Variants in BCL11A observed in about 807,000 individuals in gnomAD.
The protein encoded by BCL11A is BCL11 transcription factor A.
In BCL11A, 2 loss-of-function variants were observed where a neutral mutation model predicts 55.9. The observed-to-expected ratio is 0.04, with a 90% CI of 0.01 to 0.11. BCL11A has a LOEUF of 0.11. Among genes scored for constraint, BCL11A ranks in the 10% least tolerant of loss-of-function variants. BCL11A has a pLI of 1.00. For missense variants in BCL11A, 817 were observed against 1,137.1 expected (o/e 0.72, Z 4.05); for synonymous variants, 465 against 473.4 (o/e 0.98, Z 0.23).
At chr2:60,489,136 A>G (rs1219452200) in intron 2 of BCL11A, among the ~76,000 whole-genome samples, 1 of 152,226 alleles carries the variant, frequency 6.6e-6, no homozygotes, top group Non-Finnish European at 1.5e-5. Flanking sequence ...ATGTTTCTAA[A>G]GGGTACCTTA....
At chr2:60,509,357 C>T (rs114615813) in intron 2 of BCL11A, among the ~76,000 whole-genome samples, 1,857 of 152,320 alleles carry the variant, frequency 0.012, 42 homozygotes, top group African/African-American at 0.042. Context: ...AAGAGGACAA[C>T]GGATTTCCGG....
intron 2 of BCL11A, among the ~76,000 whole-genome samples, chr2:60,473,543 T>C (rs1479950930): frequency 1.3e-5 from 2 of 152,200 alleles, no homozygotes; most frequent in Non-Finnish European, 2.9e-5. Flanking sequence ...ATTCCAGTTC[T>C]GAATCCGATT....
chr2:60,497,398 T>G (rs1679013684), intron 2 of BCL11A, among the ~76,000 whole-genome samples: 1 of 152,224 alleles, frequency 6.6e-6, no homozygotes, highest in South Asian at 2.1e-4. Context: ...GTCTTTAAGT[T>G]AATCAATCCC....
chr2:60,480,656 A>G (rs1242669862), intron 2 of BCL11A, among the ~76,000 whole-genome samples: 1 of 152,172 alleles, frequency 6.6e-6, no homozygotes, highest in African/African-American at 2.4e-5. Flanking sequence ...TATTTACTCA[A>G]TGGTTGTTAT....
At chr2:60,491,811 C>T (rs1678656442) in intron 2 of BCL11A, among the ~76,000 whole-genome samples, 1 of 152,168 alleles carries the variant, frequency 6.6e-6, no homozygotes, top group Non-Finnish European at 1.5e-5. Context: ...TAGGACCCAA[C>T]ACTACGCAGG....
rs553292995 is a variant in BCL11A, at chr2:60,461,979, G to A, written c.933C>T (p.Pro311=). The change falls in exon 4 of 4, where the codon CCC becomes CCT. Residue 311 remains proline (P), a synonymous_variant. Coordinates refer to ENST00000642384, the MANE Select transcript of BCL11A (RefSeq NM_022893.4). ...LRLNPMAMEP[P]AMDFSRRLRE... The stretch of plus-strand genomic sequence containing the variant: ...TAAGTCTCCTAGAGAAATCCATGGC[G>A]GGAGGCTCCATAGCCATTGGATTCA... 9.3e-6 allele frequency: 15 copies of A among 1,613,672 alleles called. No individual in the cohort carries two copies. In the African/African-American group the frequency reaches 1.5e-4, roughly 16 times the overall value.
At chr2:60,496,774 GCTCTCT>G (rs10657650) in intron 2 of BCL11A, among the ~76,000 whole-genome samples, 3 of 149,248 alleles carry the variant, frequency 2.0e-5, no homozygotes, top group South Asian at 2.1e-4. Flanking sequence ...CACTGTGAGT[GCTCTCT>G]CTCTCTCTCT....
chr2:60,519,903 A>C (rs968596185), intron 2 of BCL11A, among the ~76,000 whole-genome samples: 5 of 152,236 alleles, frequency 3.3e-5, no homozygotes, highest in Non-Finnish European at 5.9e-5. Flanking sequence ...ATTCATGGCT[A>C]TGCTTGGATA....
At chr2:60,504,727 G>C (rs1440513610) in intron 2 of BCL11A, among the ~76,000 whole-genome samples, 1 of 152,124 alleles carries the variant, frequency 6.6e-6, no homozygotes, top group Non-Finnish European at 1.5e-5. Context: ...CTTTCTACTG[G>C]TGCTTAGGGA....
intron 2 of BCL11A, among the ~76,000 whole-genome samples, chr2:60,481,676 T>A (rs1448372434): frequency 6.6e-6 from 1 of 152,144 alleles, no homozygotes; most frequent in Admixed American, 6.5e-5. Context: ...ACCCCCTACA[T>A]CTTTCTTTTC....
chr2:60,501,505 C>CTTTTTTTT (rs11366853), intron 2 of BCL11A, among the ~76,000 whole-genome samples: 9 of 119,728 alleles, frequency 7.5e-5, no homozygotes, highest in African/African-American at 2.5e-4. Context: ...ACACCGCTTT[C>CTTTTTTTT]TTTTTTTTTT....
At chr2:60,471,825 G>C (rs1025735506) in intron 2 of BCL11A, among the ~76,000 whole-genome samples, 8 of 152,278 alleles carry the variant, frequency 5.3e-5, no homozygotes, top group Non-Finnish European at 7.4e-5. Flanking sequence ...CTGGGAGTTT[G>C]TTCAAAATGC....
At chr2:60,545,847 C>T in intron 2 of BCL11A, 124 bp downstream of exon 2, 1 of 749,956 alleles carries the variant, frequency 1.3e-6, no homozygotes, top group Non-Finnish European at 2.3e-6. Context: ...CATTACAGGG[C>T]TGTCATGGAC....
intron 2 of BCL11A, among the ~76,000 whole-genome samples, chr2:60,473,380 G>A (rs1006842375): frequency 6.6e-6 from 1 of 151,882 alleles, no homozygotes; most frequent in Non-Finnish European, 1.5e-5. Context: ...TGATGAGGAG[G>A]GGTCTCTATA....
At chr2:60,484,990 C>A (rs375934246) in intron 2 of BCL11A, among the ~76,000 whole-genome samples, 36 of 149,384 alleles carry the variant, frequency 2.4e-4, no homozygotes, top group South Asian at 8.6e-4. Context: ...AACCAACCAA[C>A]CAAACAAAAA....
intron 2 of BCL11A, among the ~76,000 whole-genome samples, chr2:60,488,089 T>A (rs1678389999): frequency 6.6e-6 from 1 of 152,258 alleles, no homozygotes; most frequent in African/African-American, 2.4e-5. Flanking sequence ...CAGTAACACT[T>A]ACAATTTATT....
rs368616571 is a variant in BCL11A at position 60,457,891 on chromosome 2, G to T, written c.*2513C>A. The T allele has an allele frequency of 3.8e-6, 4 of 1,048,324 alleles. No homozygotes were observed. Among genetic ancestry groups the T allele is most frequent in the Non-Finnish European group, 4.6e-6 (4 of 869,006 alleles). 64.9% of individuals were successfully genotyped at this position (1,048,324 alleles called of 1,614,324 possible). A position where few individuals can be genotyped will look rare whatever the true frequency, so the allele number is the denominator to read the frequency against. On this transcript the variant is annotated 3_prime_UTR_variant, in exon 4 of 4. Transcript: ENST00000642384. Reference sequence around the variant, plus strand: ...AGCCATCCATGTGACATTCTAGCAGGCTCCCCCAAACCGCCATTATATGGC... The same window carrying T: ...AGCCATCCATGTGACATTCTAGCAGTCTCCCCCAAACCGCCATTATATGGC...
At chr2:60,518,756 A>G (rs1668845511) in intron 2 of BCL11A, among the ~76,000 whole-genome samples, 1 of 152,202 alleles carries the variant, frequency 6.6e-6, no homozygotes, top group Non-Finnish European at 1.5e-5. Context: ...GCCCCAAGGC[A>G]TTCCTGGGGG....
At chr2:60,480,384 C>T (rs145857080) in intron 2 of BCL11A, among the ~76,000 whole-genome samples, 183 of 152,310 alleles carry the variant, frequency 1.2e-3, no homozygotes, top group African/African-American at 4.0e-3. Flanking sequence ...CCATGCTGGG[C>T]AAAGAAGAGC....
Sources: allele counts gnomAD v4.1 joint callset (sites outside exome capture counted in the v4.1 genomes callset), GRCh38; gene constraint gnomAD v4.1.1; transcripts MANE v1.5; gene names NCBI Gene and HGNC (gene_info 2026-07-23, HGNC 2026-07-21).